The following ZNF423 variants were observed in gnomAD, a reference collection of about 807,000 sequenced individuals.
ZNF423 encodes Ebf-associated zinc finger protein.
In ZNF423, 12 loss-of-function variants were observed where a neutral mutation model predicts 95.8. The ratio of observed to expected loss-of-function variants is 0.13; its 90% CI spans 0.08 to 0.20. The LOEUF (loss-of-function observed/expected upper bound fraction) is 0.20. ZNF423 is among the 10% of genes least tolerant of loss of function. The probability of loss-of-function intolerance (pLI) is 1.00; values close to 1 mark genes in which losing one functional copy is unlikely to be tolerated. For missense variants in ZNF423, 1,316 were observed against 1,737.1 expected (o/e 0.76, Z 4.31); for synonymous variants, 749 against 711.9 (o/e 1.05, Z -0.83).
At chr16:49,847,615 T>G in intron 1 of ZNF423, 1 of 147,514 alleles carries the variant, frequency 6.8e-6, no homozygotes, top group Admixed American at 6.8e-5. Context: ...GCAAAGAACA[T>G]ACCCCCCCGC....
chr16:49,785,017 T>A (rs1045441995), intron 2 of ZNF423, among the ~76,000 whole-genome samples: 1 of 148,384 alleles, frequency 6.7e-6, no homozygotes, highest in African/African-American at 2.5e-5. Flanking sequence ...AGGGCAGGGG[T>A]GATAGCTAAG....
At chr16:49,842,261 G>GAGAGACA (rs2035190757) in intron 1 of ZNF423, among the ~76,000 whole-genome samples, 1 of 58,648 alleles carries the variant, frequency 1.7e-5, no homozygotes, top group African/African-American at 6.8e-5. Context: ...AAGGAGGGGA[G>GAGAGACA]GGGAAGGGAG....
At chr16:49,645,802 G>C (rs983783757) in intron 3 of ZNF423, among the ~76,000 whole-genome samples, 1 of 152,202 alleles carries the variant, frequency 6.6e-6, no homozygotes, top group African/African-American at 2.4e-5. Context: ...TAGCGATAGT[G>C]AGTAAGTTCT....
intron 2 of ZNF423, among the ~76,000 whole-genome samples, chr16:49,763,751 C>T (rs1377249391): frequency 6.6e-6 from 1 of 152,156 alleles, no homozygotes; most frequent in African/African-American, 2.4e-5. Flanking sequence ...GCGTTCATGC[C>T]TTCCTGTTAA....
Position 49,855,735 on chromosome 16 carries a change from CT to C in ZNF423, c.39del (p.Val14LeufsTer17). The C allele has an allele frequency of 6.5e-6, 1 of 154,176 alleles. No homozygotes were observed. The allele number at this position is 154,176 out of a possible 1,614,324, so 9.6% of individuals were successfully genotyped here. A position where few individuals can be genotyped will look rare whatever the true frequency, so the allele number is the denominator to read the frequency against. On this transcript the variant is annotated frameshift_variant and splice_region_variant, in exon 1 of 8. Coordinates refer to ENST00000563137, the MANE Select transcript of ZNF423 (RefSeq NM_001379286.1). LOFTEE classifies it high-confidence loss of function. The surrounding 1 kb of genome is among the most constrained non-coding windows in gnomAD (Gnocchi z 4.7). The part of the protein sequence containing the change: ...RRKQAKPRSV[K>X]VEEGEASDFS... Reference sequence around the variant, plus strand: ...CCTCCGCCGGGCCTCGCTCGCTCACCTTTCACCGAGCGCGGCTTCGCCTGCT... The same window carrying C: ...CCTCCGCCGGGCCTCGCTCGCTCACCTTCACCGAGCGCGGCTTCGCCTGCT...
chr16:49,724,690 G>C (rs951922372), intron 3 of ZNF423, among the ~76,000 whole-genome samples: 1 of 152,296 alleles, frequency 6.6e-6, no homozygotes, highest in East Asian at 1.9e-4. Flanking sequence ...GGGCCCACAG[G>C]TCACTCTGGC....
chr16:49,550,938 G>A (rs1202557609), intron 5 of ZNF423, among the ~76,000 whole-genome samples: 3 of 152,354 alleles, frequency 2.0e-5, no homozygotes, highest in African/African-American at 7.2e-5. Flanking sequence ...GGTACCTAGA[G>A]GGCCCCTTTG....
At chr16:49,799,347 CTCCCTGGAA>C (rs2034546607) in intron 1 of ZNF423, among the ~76,000 whole-genome samples, 1 of 152,194 alleles carries the variant, frequency 6.6e-6, no homozygotes, top group Admixed American at 6.5e-5. Flanking sequence ...AGGTTTCACT[CTCCCTGGAA>C]AGACAGGAGA....
chr16:49,696,350 A>G (rs2031970076), intron 3 of ZNF423, among the ~76,000 whole-genome samples: 1 of 152,200 alleles, frequency 6.6e-6, no homozygotes. Flanking sequence ...ATGAAAGGCT[A>G]GAAGGCTCTG....
chr16:49,623,201 C>T (rs914615564), intron 5 of ZNF423, among the ~76,000 whole-genome samples: 2 of 152,230 alleles, frequency 1.3e-5, no homozygotes, highest in Non-Finnish European at 2.9e-5. Context: ...CCAACTCCCA[C>T]GTTCCTGGGC....
intron 5 of ZNF423, among the ~76,000 whole-genome samples, chr16:49,602,108 C>T (rs557346890): frequency 6.6e-6 from 1 of 152,370 alleles, no homozygotes; most frequent in East Asian, 1.9e-4. Flanking sequence ...GGCTCCCCGG[C>T]TTCCTGTCCT....
At chr16:49,513,790 C>T (rs1968005218) in intron 7 of ZNF423, among the ~76,000 whole-genome samples, 1 of 152,046 alleles carries the variant, frequency 6.6e-6, no homozygotes, top group African/African-American at 2.4e-5. Flanking sequence ...GGGGGTTAAA[C>T]CAAGGGCTGG....
Position 49,658,205 on chromosome 16 carries a change from T to A in ZNF423, c.302-19331A>T, listed in dbSNP as rs535670196. The stretch of plus-strand genomic sequence containing the variant: ...ATACTGCAGTGACTGCAGCTCTTGG[T>A]CTGTCCCTCTCCCCCTCCAGACAGG... On this transcript the variant is annotated intron_variant, in intron 3 of 7. Coordinates refer to ENST00000563137, the MANE Select transcript of ZNF423 (RefSeq NM_001379286.1). Among the ~76,000 whole-genome samples the A allele has an allele frequency of 5.9e-5, 9 of 152,324 alleles. No homozygotes were observed. The East Asian group carries it at 1.7e-3, about 29-fold the overall frequency.
chr16:49,683,805 T>C (rs2031461279), intron 3 of ZNF423, among the ~76,000 whole-genome samples: 1 of 152,192 alleles, frequency 6.6e-6, no homozygotes, highest in South Asian at 2.1e-4. Context: ...TAGCCAGGCA[T>C]GATGGTGTGC....
chr16:49,837,362 T>A (rs2035131864), intron 1 of ZNF423, among the ~76,000 whole-genome samples: 2 of 151,952 alleles, frequency 1.3e-5, no homozygotes, highest in Admixed American at 1.3e-4. Flanking sequence ...GGACAACCCC[T>A]CCCCAGACCC....
In ZNF423 at chr16:49,525,451, G is replaced by A. The variant is rs757515217; in HGVS notation, c.3645C>T (p.Phe1215=). 8 of 1,614,008 alleles carry A rather than the reference G, an allele frequency of 5.0e-6. No homozygotes were observed. Among genetic ancestry groups the A allele is most frequent in the South Asian group, 3.3e-5 (3 of 91,062 alleles). ...GACAGAGGAGCTTGGCCGGGGAGTC[G>A]AACATCTGGTTGCACAGCTTACACT... ...NHECKLCNQM[F]DSPAKLLCHL... Residue 1215 remains phenylalanine (F), a synonymous_variant, in exon 6 of 8, where the codon TTC becomes TTT. Coordinates refer to ENST00000563137, the MANE Select transcript of ZNF423 (RefSeq NM_001379286.1).
chr16:49,844,817 AC>A (rs1471108351), intron 1 of ZNF423, among the ~76,000 whole-genome samples: 1 of 152,048 alleles, frequency 6.6e-6, no homozygotes, highest in Admixed American at 6.5e-5. Flanking sequence ...AAGGGTGTAC[AC>A]CTGAGGTCGG....
rs1265574191 is a variant in ZNF423 at position 49,636,146 on chromosome 16, C to G, written c.3030G>C (p.Glu1010Asp). The G allele has an allele frequency of 6.2e-7, 1 of 1,613,840 alleles. No homozygotes were observed. The highest frequency in any genetic ancestry group is 2.2e-5 in the East Asian group (1 of 44,870). Residue 1010 changes from glutamate (E) to aspartate (D), a missense_variant, in exon 4 of 8, where the codon GAG (glutamate) becomes GAC (aspartate). Around this residue, in one of 6 missense-constraint regions of ZNF423, gnomAD observed 620 missense variants for 775.6 expected, o/e 0.80. Transcript: ENST00000563137. This position sits in a 1 kb window ranked among gnomAD's most constrained non-coding sequence, Gnocchi z 8.6. The part of the protein sequence containing the change: ...ICKMPLQSEE[E>D]FIEHCQMHPD... The stretch of plus-strand genomic sequence containing the variant: ...GGTGCATCTGGCAGTGCTCAATAAA[C>G]TCCTCCTCGCTCTGCAGGGGCATCT...
intron 3 of ZNF423, among the ~76,000 whole-genome samples, chr16:49,686,610 C>T (rs911364641): frequency 2.0e-5 from 3 of 152,082 alleles, no homozygotes; most frequent in East Asian, 1.9e-4. Flanking sequence ...GTGGCCTGGA[C>T]GCTCCAATCA....
Sources: allele counts gnomAD v4.1 joint callset (sites outside exome capture counted in the v4.1 genomes callset), GRCh38; gene constraint gnomAD v4.1.1; regional missense constraint gnomAD v4.1.1; non-coding constraint Gnocchi (gnomAD v3.1); transcripts MANE v1.5; gene names NCBI Gene and HGNC (gene_info 2026-07-23, HGNC 2026-07-21).